Variants in ZBTB40 observed in about 807,000 individuals in gnomAD.
The protein encoded by ZBTB40 is zinc finger and BTB domain containing 40, also known as zinc finger and BTB domain-containing protein 40.
ZBTB40 carries 60 observed loss-of-function variants against 117.5 expected under a neutral mutation model. That is an observed-to-expected ratio of 0.51 (90% confidence interval 0.41 to 0.63). The LOEUF (loss-of-function observed/expected upper bound fraction) is 0.63. ZBTB40 is among the 30% of genes least tolerant of loss of function. The pLI, the probability that ZBTB40 is intolerant of heterozygous loss-of-function variation, is 0.00. For synonymous variants in ZBTB40, 525 were observed against 577.1 expected (o/e 0.91, Z 1.29); for missense variants, 1,287 against 1,498.5 (o/e 0.86, Z 2.33).
chr1:22,500,410 ATAAAGGTGATAGT>A (rs1316914455), intron 3 of ZBTB40, among the ~76,000 whole-genome samples: 5 of 152,348 alleles, frequency 3.3e-5, no homozygotes, highest in South Asian at 4.1e-4. Context: ...AGAAGTTTGC[ATAAAGGTGATAGT>A]TAAAGCTATA....
At chr1:22,457,132 T>G (rs1012494601) in intron 1 of ZBTB40, among the ~76,000 whole-genome samples, 1 of 152,072 alleles carries the variant, frequency 6.6e-6, no homozygotes, top group Non-Finnish European at 1.5e-5. Context: ...CTATTTTTTT[T>G]TTTTAAAGGA....
Position 22,509,177 on chromosome 1 carries a change from A to G in ZBTB40, c.1777A>G (p.Ile593Val), listed in dbSNP as rs762881494. ...GATCTTGGAGGCCATCCAACAGAAG[A>G]TTGAGTACAAGCTCTTTACCTCGGA... ...QLILEAIQQK[I>V]EYKLFTSEEE... Residue 593 changes from isoleucine (I) to valine (V), a missense_variant, in exon 9 of 18, where the codon ATT becomes GTT. This residue lies in a region of ZBTB40 where 870 missense variants were observed against 934.4 expected (regional missense o/e 0.93). Coordinates refer to ENST00000375647, the MANE Select transcript of ZBTB40 (RefSeq NM_014870.4). 1 of 1,614,124 alleles carries G rather than the reference A, an allele frequency of 6.2e-7. No individual in the cohort carries two copies. The highest frequency in any genetic ancestry group is 2.2e-5 in the East Asian group (1 of 44,860).
At position 22,527,730 on chromosome 1, in the gene ZBTB40, A is replaced by G. The variant is rs1639720000; in HGVS notation, c.*1334A>G. The G allele has an allele frequency of 6.6e-6, 1 of 152,354 alleles. No homozygotes were observed. The highest frequency in any genetic ancestry group is 2.1e-4 in the South Asian group (1 of 4,832). 9.4% of individuals were successfully genotyped at this position (152,354 alleles called of 1,614,324 possible). ...CCCCTTCCTTCCAGGCACATCTCAC[A>G]TTGCCATGTACAGAGGCAGGAGTCA... is the stretch of plus-strand genomic sequence containing the variant. On this transcript the variant is annotated 3_prime_UTR_variant, in exon 18 of 18. Transcript: ENST00000375647.
At position 22,472,317 on chromosome 1, in the gene ZBTB40, G is replaced by A. The variant is rs181618905; in HGVS notation, c.-69-17563G>A. ...TTCCACCTCAGCCTCCCAAGTAGCC[G>A]GGACTATAGGCACAGGCCACCACAC... On this transcript the variant is annotated intron_variant, in intron 1 of 17. Transcript: ENST00000375647. Among the ~76,000 whole-genome samples the A allele has an allele frequency of 1.5e-3, 232 of 152,018 alleles. 2 individuals carry two copies. The highest frequency in any genetic ancestry group is 2.3e-3 in the Non-Finnish European group (159 of 67,976).
rs778537315 is a variant in ZBTB40, at chr1:22,511,749, CA to C, written c.2079del (p.Glu694LysfsTer58). On this transcript the variant is annotated frameshift_variant, in exon 11 of 18. Coordinates refer to ENST00000375647, the MANE Select transcript of ZBTB40 (RefSeq NM_014870.4). LOFTEE classifies it high-confidence loss of function. ...SNKFHLEANN[K>X]EDEKAAKEDS... ...ATAAATTTCACCTTGAAGCCAACAA[CA>C]AAGAAGATGAAAAGGCAGCCAAAGA... is the stretch of plus-strand genomic sequence containing the variant. The C allele has an allele frequency of 6.2e-7, 1 of 1,608,500 alleles. No individual in the cohort carries two copies. Among genetic ancestry groups the C allele is most frequent in the East Asian group, 2.2e-5 (1 of 44,822 alleles).
At chr1:22,504,188 A>T (rs779720921) in intron 5 of ZBTB40, among the ~76,000 whole-genome samples, 5 of 152,224 alleles carry the variant, frequency 3.3e-5, no homozygotes, top group Non-Finnish European at 5.9e-5. Flanking sequence ...CAGTATTTTG[A>T]CATCGTGTGG....
chr1:22,487,822 A>C (rs1390880494), intron 1 of ZBTB40, among the ~76,000 whole-genome samples: 1 of 152,118 alleles, frequency 6.6e-6, no homozygotes, highest in Non-Finnish European at 1.5e-5. Flanking sequence ...CATTGCTTTT[A>C]GGATAACCTC....
chr1:22,494,929 A>C (rs764112646), intron 3 of ZBTB40, among the ~76,000 whole-genome samples: 1 of 152,254 alleles, frequency 6.6e-6, no homozygotes, highest in Non-Finnish European at 1.5e-5. Context: ...CTGTTCACTT[A>C]GAACAACGTT....
chr1:22,459,004 A>G (rs1641069372), intron 1 of ZBTB40, among the ~76,000 whole-genome samples: 1 of 152,208 alleles, frequency 6.6e-6, no homozygotes, highest in Non-Finnish European at 1.5e-5. Context: ...TTGCTAACAA[A>G]GTATGCTGTT....
chr1:22,521,308 A>G (rs572530500), intron 14 of ZBTB40, among the ~76,000 whole-genome samples, 188 bp from the exon 15 acceptor site: 2 of 152,194 alleles, frequency 1.3e-5, no homozygotes, highest in Non-Finnish European at 2.9e-5. Context: ...CTCAATGAAT[A>G]TGTAGTTGCC....
intron 3 of ZBTB40, among the ~76,000 whole-genome samples, chr1:22,494,848 G>A (rs776444953): frequency 3.3e-5 from 5 of 152,184 alleles, no homozygotes; most frequent in Non-Finnish European, 7.3e-5. Flanking sequence ...ATTATTTTGG[G>A]GGAAGTATGC....
Position 22,439,107 on chromosome 1 carries a change from C to T in ZBTB40, c.-70+10093C>T, listed in dbSNP as rs1314385510. On this transcript the variant is annotated intron_variant, in intron 1 of 8. Transcript: ENST00000650433. ...GGTCTCGAACTCCTGACCTTGTTAT[C>T]CACCCGCCTTGGCCCCCCAAAGTGT... Among the ~76,000 whole-genome samples, 22 of 152,162 alleles carry T rather than the reference C, an allele frequency of 1.4e-4. No homozygotes were observed. The South Asian group carries it at 3.7e-3, about 26-fold the overall frequency.
At position 22,511,334 on chromosome 1, in the gene ZBTB40, GTTGGCATACA is replaced by G; in HGVS notation, c.1994_2002+1del. 1 of 1,614,080 alleles carries G rather than the reference GTTGGCATACA, an allele frequency of 6.2e-7. No individual in the cohort carries two copies. Among genetic ancestry groups the G allele is most frequent in the Non-Finnish European group, 8.5e-7 (1 of 1,180,044 alleles). ...CAGGCCTGCAGCCTGTCATGCAGGAGTTGGCATACATTGGTAAGGAACGGGCCAGGTGGGA... is the reference window on the plus strand; with the variant it reads ...CAGGCCTGCAGCCTGTCATGCAGGAGTTGGTAAGGAACGGGCCAGGTGGGA... On this transcript the variant is annotated frameshift_variant, in exon 10 of 18. Transcript: ENST00000375647. LOFTEE classifies it high-confidence loss of function.
chr1:22,473,580 G>C (rs1641465506), intron 1 of ZBTB40, among the ~76,000 whole-genome samples: 1 of 152,190 alleles, frequency 6.6e-6, no homozygotes, highest in African/African-American at 2.4e-5. Context: ...AGAGAGTGCA[G>C]GATATCATTA....
intron 10 of ZBTB40, 65 bp from the exon 11 acceptor site, chr1:22,511,611 G>A: frequency 1.1e-5 from 17 of 1,556,378 alleles, no homozygotes; most frequent in Non-Finnish European, 1.5e-5. Flanking sequence ...AAGTGTGTTA[G>A]AAACGTTATA....
At chr1:22,433,331 G>A (rs1182683071) in intron 1 of ZBTB40, among the ~76,000 whole-genome samples, 1 of 148,758 alleles carries the variant, frequency 6.7e-6, no homozygotes, top group Non-Finnish European at 1.5e-5. Flanking sequence ...TACTCGGGAG[G>A]CTGAGGCAGG....
chr1:22,458,999 A>G (rs907390234), intron 1 of ZBTB40, among the ~76,000 whole-genome samples: 1 of 152,186 alleles, frequency 6.6e-6, no homozygotes, highest in African/African-American at 2.4e-5. Flanking sequence ...CTGTCTTGCT[A>G]ACAAAGTATG....
chr1:22,501,478 C>T lies in ZBTB40; in HGVS notation c.832-14C>T, dbSNP rs188061569. On this transcript the variant is annotated splice_polypyrimidine_tract_variant and intron_variant, in intron 3 of 17. Transcript: ENST00000375647. ...GTTCGCTAATCTATCTTTCTGGGTACTTTTGTTCCATAGATGATAGTGAAA... is the reference window on the plus strand; with the variant it reads ...GTTCGCTAATCTATCTTTCTGGGTATTTTTGTTCCATAGATGATAGTGAAA... 1.5e-5 allele frequency: 25 copies of T among 1,613,948 alleles called. No individual in the cohort carries two copies. The Admixed American group carries it at 3.0e-4, about 19-fold the overall frequency.
intron 5 of ZBTB40, among the ~76,000 whole-genome samples, chr1:22,505,205 A>G (rs1335175875): frequency 6.6e-6 from 1 of 152,236 alleles, no homozygotes; most frequent in Non-Finnish European, 1.5e-5. Flanking sequence ...GTGAATCTGT[A>G]GATTACATGT....
Sources: gnomAD v4.1 joint callset for allele counts (sites outside exome capture counted in the v4.1 genomes callset) on GRCh38, gnomAD v4.1.1 for gene constraint, gnomAD v4.1.1 regional missense constraint, MANE v1.5 for transcripts, NCBI Gene and HGNC (gene_info 2026-07-23, HGNC 2026-07-21) for gene names.